Variants in KRTAP5-7 observed in about 807,000 individuals in gnomAD.
The protein encoded by KRTAP5-7 is keratin associated protein 5-7.
A neutral mutation model predicts 2.4 loss-of-function variants in KRTAP5-7; 1 was observed. The observed-to-expected ratio is 0.42, with a 90% CI of 0.15 to 2.01. The LOEUF (loss-of-function observed/expected upper bound fraction) is 2.01. Among genes scored for constraint, KRTAP5-7 ranks in the 30% most tolerant of loss-of-function variants. The probability of loss-of-function intolerance (pLI) is 0.29; values close to 1 mark genes in which losing one functional copy is unlikely to be tolerated. For synonymous variants in KRTAP5-7, 55 were observed against 80.8 expected (o/e 0.68, Z 1.71); for missense variants, 161 against 200.8 (o/e 0.80, Z 1.20).
In KRTAP5-7 at chr11:71,527,479, G is replaced by T; in HGVS notation, c.179G>T (p.Cys60Phe). Residue 60 changes from cysteine (C) to phenylalanine (F), a missense_variant, in exon 1 of 1, where the codon TGT becomes TTT. By Grantham distance (205) the Cys-to-Phe change is radical. Coordinates refer to ENST00000398536, the MANE Select transcript of KRTAP5-7 (RefSeq NM_001012503.2). ...TGTTCCTGCTCCAGCTGTGGCTCCT[G>T]TGGGGGCTCCAAGGGAGGCTGTGGC... ...PACSCSSCGS[C>F]GGSKGGCGSC... 1 of 1,545,978 alleles carries T rather than the reference G, an allele frequency of 6.5e-7. No individual in the cohort carries two copies. The highest frequency in any genetic ancestry group is 8.9e-7 in the Non-Finnish European group (1 of 1,123,506).
In KRTAP5-7 at chr11:71,527,389, G is replaced by T; in HGVS notation, c.89G>T (p.Gly30Val). 6.2e-7 allele frequency: 1 copy of T among 1,611,926 alleles called. No homozygotes were observed. The highest frequency in any genetic ancestry group is 1.3e-5 in the African/African-American group (1 of 74,920). ...GGGGGCTGTGGCTCTGGCTGTGGGG[G>T]ATGTGGCTCCAGCTGCTGTGTGCCC... ...GCGGCGSGCG[G>V]CGSSCCVPVC... Residue 30 changes from glycine to valine, a missense_variant, in exon 1 of 1, where the codon GGA becomes GTA. This residue lies in a region of KRTAP5-7 where 116 missense variants were observed against 113.7 expected (regional missense o/e 1.02). Transcript: ENST00000398536.
At position 71,528,404 on chromosome 11, in the gene KRTAP5-7, C is replaced by A; in HGVS notation, c.*606C>A. 1 of 177,532 alleles carries A rather than the reference C, an allele frequency of 5.6e-6. No homozygotes were observed. Among genetic ancestry groups the A allele is most frequent in the Admixed American group, 5.7e-5 (1 of 17,508 alleles). The allele number at this position is 177,532 out of a possible 1,614,324, so 11.0% of individuals were successfully genotyped here. A position where few individuals can be genotyped will look rare whatever the true frequency, so the allele number is the denominator to read the frequency against. On this transcript the variant is annotated 3_prime_UTR_variant, in exon 1 of 1. Coordinates refer to ENST00000398536, the MANE Select transcript of KRTAP5-7 (RefSeq NM_001012503.2). ...GGCTGTCTCCTCTGCCTCTCATCTCCTTCCTGGCTGACCCCTCTTTTCTCA... is the reference window on the plus strand; with the variant it reads ...GGCTGTCTCCTCTGCCTCTCATCTCATTCCTGGCTGACCCCTCTTTTCTCA...
Position 71,527,550 on chromosome 11 carries a change from A to C in KRTAP5-7, c.250A>C (p.Lys84Gln), listed in dbSNP as rs2120596184. Reference protein sequence around the residue: ...KGGCGSCGGSKGGCGSCGCSQ... With the variant: ...KGGCGSCGGSQGGCGSCGCSQ... ...GGGCTGTGGCTCTTGTGGGGGTTCT[A>C]AGGGGGGCTGTGGTTCTTGTGGCTG... The change falls in exon 1 of 1, where the codon AAG becomes CAG. Residue 84 changes from lysine to glutamine, a missense_variant. Transcript: ENST00000398536. 1 of 1,482,454 alleles carries C rather than the reference A, an allele frequency of 6.7e-7. No homozygotes were observed. Among genetic ancestry groups the C allele is most frequent in the Admixed American group, 1.8e-5 (1 of 55,286 alleles). The allele number at this position is 1,482,454 out of a possible 1,614,324, so 91.8% of individuals were successfully genotyped here.
chr11:71,527,467 G>C lies in KRTAP5-7; in HGVS notation c.167G>C (p.Ser56Thr), dbSNP rs749813581. 6.5e-7 allele frequency: 1 copy of C among 1,545,052 alleles called. No homozygotes were observed. The highest frequency in any genetic ancestry group is 8.9e-7 in the Non-Finnish European group (1 of 1,122,470). ...TGTGTGCCAGCCTGTTCCTGCTCCA[G>C]CTGTGGCTCCTGTGGGGGCTCCAAG... ...CCCVPACSCS[S>T]CGSCGGSKGG... The change falls in exon 1 of 1, where the codon AGC becomes ACC. Residue 56 changes from serine to threonine, a missense_variant. By Grantham distance (58) the Ser-to-Thr change is moderately conservative. This residue lies in a region of KRTAP5-7 where 116 missense variants were observed against 113.7 expected (regional missense o/e 1.02). Transcript: ENST00000398536.
rs1950005247 is a variant in KRTAP5-7, at chr11:71,528,256, T to TC, written c.*458_*459insC. ...ATGCCGACAAACTGAAACACATATC[T>TC]TGCTGATTTCTCTGTTGTTCGGGGT... On this transcript the variant is annotated 3_prime_UTR_variant, in exon 1 of 1. Coordinates refer to ENST00000398536, the MANE Select transcript of KRTAP5-7 (RefSeq NM_001012503.2). 3 of 243,296 alleles carry TC rather than the reference T, an allele frequency of 1.2e-5. No homozygotes were observed. In the South Asian group the frequency reaches 2.2e-4, roughly 18 times the overall value. 15.1% of individuals were successfully genotyped at this position (243,296 alleles called of 1,614,324 possible).
In KRTAP5-7 at chr11:71,528,117, A is replaced by C. The variant is rs1591148595; in HGVS notation, c.*319A>C. The stretch of plus-strand genomic sequence containing the variant: ...TCTTTTCCAGCTGGAGCAGCTGGGC[A>C]TGAGTGTCCCACCTGCAACAAGGTG... On this transcript the variant is annotated 3_prime_UTR_variant, in exon 1 of 1. Coordinates refer to ENST00000398536, the MANE Select transcript of KRTAP5-7 (RefSeq NM_001012503.2). 6.3e-6 allele frequency: 3 copies of C among 474,938 alleles called. No individual in the cohort carries two copies. The highest frequency in any genetic ancestry group is 4.2e-5 in the East Asian group (1 of 24,068). The allele number at this position is 474,938 out of a possible 1,614,324, so 29.4% of individuals were successfully genotyped here. A position where few individuals can be genotyped will look rare whatever the true frequency, so the allele number is the denominator to read the frequency against.
rs1259253786 is a variant in KRTAP5-7 at position 71,527,979 on chromosome 11, C to A, written c.*181C>A. ...CTAATTAATGTCCATTCCCTCCTAA[C>A]AAATTCTCTTCCCAAGTCAACTGCA... On this transcript the variant is annotated 3_prime_UTR_variant, in exon 1 of 1. Transcript: ENST00000398536. 3 of 1,216,162 alleles carry A rather than the reference C, an allele frequency of 2.5e-6. No individual in the cohort carries two copies. Among genetic ancestry groups the A allele is most frequent in the Non-Finnish European group, 3.4e-6 (3 of 873,278 alleles). 75.3% of individuals were successfully genotyped at this position (1,216,162 alleles called of 1,614,324 possible). A position where few individuals can be genotyped will look rare whatever the true frequency, so the allele number is the denominator to read the frequency against.
Position 71,527,490 on chromosome 11 carries a change from A to C in KRTAP5-7, c.190A>C (p.Lys64Gln), listed in dbSNP as rs771832611. Residue 64 changes from lysine to glutamine, a missense_variant, in exon 1 of 1, where the codon AAG (lysine) becomes CAG (glutamine). Transcript: ENST00000398536. ...CAGCTGTGGCTCCTGTGGGGGCTCCAAGGGAGGCTGTGGCTCCTGTGGGGG... is the reference window on the plus strand; with the variant it reads ...CAGCTGTGGCTCCTGTGGGGGCTCCCAGGGAGGCTGTGGCTCCTGTGGGGG... ...CSSCGSCGGSKGGCGSCGGSK... is the reference protein window; with the variant it reads ...CSSCGSCGGSQGGCGSCGGSK... The C allele has an allele frequency of 4.8e-6, 7 of 1,458,610 alleles. No homozygotes were observed. The highest frequency in any genetic ancestry group is 6.5e-6 in the Non-Finnish European group (7 of 1,077,612). 90.4% of individuals were successfully genotyped at this position (1,458,610 alleles called of 1,614,324 possible).
chr11:71,527,724 C>T lies in KRTAP5-7; in HGVS notation c.424C>T (p.Gln142Ter), dbSNP rs1220245361. The T allele has an allele frequency of 8.2e-7, 1 of 1,225,794 alleles. No individual in the cohort carries two copies. The highest frequency in any genetic ancestry group is 1.6e-5 in the South Asian group (1 of 64,464). The allele number at this position is 1,225,794 out of a possible 1,614,324, so 75.9% of individuals were successfully genotyped here. ...CTCAGGCTGTGGGTCATCCTGCTGC[C>T]AGTCCAGTTGCTGCAATCCCTGCTG... ...CSSGCGSSCCQSSCCNPCCSQ... is the reference protein window; with the variant it reads ...CSSGCGSSCC The change falls in exon 1 of 1, where the codon CAG (glutamine) becomes TAG (stop). Residue 142 changes from glutamine to a stop codon, truncating the protein, a stop_gained. Coordinates refer to ENST00000398536, the MANE Select transcript of KRTAP5-7 (RefSeq NM_001012503.2). LOFTEE classifies it high-confidence loss of function.
rs200724442 is a variant in KRTAP5-7 at position 71,527,357 on chromosome 11, C to T, written c.57C>T (p.Ser19=). The T allele has an allele frequency of 1.0e-4, 161 of 1,611,748 alleles. No homozygotes were observed. Among genetic ancestry groups the T allele is most frequent in the Non-Finnish European group, 1.3e-4 (149 of 1,179,266 alleles). ...GCGSGCGGCG[S]GCGGCGSGCG... Reference sequence around the variant, plus strand: ...GCTCCGGCTGTGGGGGCTGTGGCTCCGGCTGTGGGGGCTGTGGCTCTGGCT... The same window carrying T: ...GCTCCGGCTGTGGGGGCTGTGGCTCTGGCTGTGGGGGCTGTGGCTCTGGCT... Residue 19 remains serine, a synonymous_variant, in exon 1 of 1, where the codon TCC becomes TCT. Coordinates refer to ENST00000398536, the MANE Select transcript of KRTAP5-7 (RefSeq NM_001012503.2).
At position 71,527,541 on chromosome 11, in the gene KRTAP5-7, G is replaced by A. The variant is rs755569464; in HGVS notation, c.241G>A (p.Gly81Arg). 8.7e-6 allele frequency: 14 copies of A among 1,611,996 alleles called. No homozygotes were observed. The highest frequency in any genetic ancestry group is 1.2e-5 in the Non-Finnish European group (14 of 1,179,092). The change falls in exon 1 of 1, where the codon GGG becomes AGG. Residue 81 changes from glycine (G) to arginine (R), a missense_variant. By Grantham distance (125) the Gly-to-Arg change is moderately radical. This residue lies in a region of KRTAP5-7 where 116 missense variants were observed against 113.7 expected (regional missense o/e 1.02). Coordinates refer to ENST00000398536, the MANE Select transcript of KRTAP5-7 (RefSeq NM_001012503.2). ...CTCCAAGGGGGGCTGTGGCTCTTGT[G>A]GGGGTTCTAAGGGGGGCTGTGGTTC... ...GGSKGGCGSCGGSKGGCGSCG... is the reference protein window; with the variant it reads ...GGSKGGCGSCRGSKGGCGSCG...
At position 71,528,543 on chromosome 11, in the gene KRTAP5-7, C is replaced by T. The variant is rs572204594; in HGVS notation, c.*745C>T. 12 of 167,874 alleles carry T rather than the reference C, an allele frequency of 7.1e-5. No homozygotes were observed. Among genetic ancestry groups the T allele is most frequent in the African/African-American group, 2.9e-4 (12 of 41,608 alleles). 10.4% of individuals were successfully genotyped at this position (167,874 alleles called of 1,614,324 possible). A position where few individuals can be genotyped will look rare whatever the true frequency, so the allele number is the denominator to read the frequency against. ...TGCTGAAAACTCTGGGGAGTTCAGA[C>T]TTGCCTCCTTTCCCTGGTCCAGGCC... On this transcript the variant is annotated 3_prime_UTR_variant, in exon 1 of 1. Transcript: ENST00000398536.
chr11:71,527,984 T>A lies in KRTAP5-7; in HGVS notation c.*186T>A, dbSNP rs1448392821. On this transcript the variant is annotated 3_prime_UTR_variant, in exon 1 of 1. Transcript: ENST00000398536. ...TAATGTCCATTCCCTCCTAACAAATTCTCTTCCCAAGTCAACTGCAACTGC... is the reference window on the plus strand; with the variant it reads ...TAATGTCCATTCCCTCCTAACAAATACTCTTCCCAAGTCAACTGCAACTGC... The A allele has an allele frequency of 2.2e-5, 26 of 1,188,664 alleles. No individual in the cohort carries two copies. The highest frequency in any genetic ancestry group is 2.8e-5 in the Non-Finnish European group (24 of 850,946). The allele number at this position is 1,188,664 out of a possible 1,614,324, so 73.6% of individuals were successfully genotyped here. A position where few individuals can be genotyped will look rare whatever the true frequency, so the allele number is the denominator to read the frequency against.
rs1949995895 is a variant in KRTAP5-7 at position 71,527,352 on chromosome 11, G to T, written c.52G>T (p.Gly18Cys). Residue 18 changes from glycine to cysteine, a missense_variant, in exon 1 of 1, where the codon GGC becomes TGC. By Grantham distance (159) the Gly-to-Cys change is radical. This residue lies in a region of KRTAP5-7 where 116 missense variants were observed against 113.7 expected (regional missense o/e 1.02). Coordinates refer to ENST00000398536, the MANE Select transcript of KRTAP5-7 (RefSeq NM_001012503.2). The part of the protein sequence containing the change: ...EGCGSGCGGC[G>C]SGCGGCGSGC... Reference sequence around the variant, plus strand: ...CTGTGGCTCCGGCTGTGGGGGCTGTGGCTCCGGCTGTGGGGGCTGTGGCTC... The same window carrying T: ...CTGTGGCTCCGGCTGTGGGGGCTGTTGCTCCGGCTGTGGGGGCTGTGGCTC... The T allele has an allele frequency of 2.5e-6, 4 of 1,612,462 alleles. No homozygotes were observed. Among genetic ancestry groups the T allele is most frequent in the Non-Finnish European group, 3.4e-6 (4 of 1,179,542 alleles).
In KRTAP5-7 at chr11:71,527,353, G is replaced by T; in HGVS notation, c.53G>T (p.Gly18Val). ...TGTGGCTCCGGCTGTGGGGGCTGTG[G>T]CTCCGGCTGTGGGGGCTGTGGCTCT... The part of the protein sequence containing the change: ...EGCGSGCGGC[G>V]SGCGGCGSGC... The change falls in exon 1 of 1, where the codon GGC becomes GTC. Residue 18 changes from glycine (G) to valine (V), a missense_variant. Physicochemically the swap from Gly to Val is moderately radical, Grantham distance 109 (BLOSUM62 -3). This residue lies in a region of KRTAP5-7 where 116 missense variants were observed against 113.7 expected (regional missense o/e 1.02). Coordinates refer to ENST00000398536, the MANE Select transcript of KRTAP5-7 (RefSeq NM_001012503.2). The T allele has an allele frequency of 6.2e-7, 1 of 1,612,482 alleles. No individual in the cohort carries two copies. The highest frequency in any genetic ancestry group is 2.2e-5 in the East Asian group (1 of 44,786).
Position 71,527,527 on chromosome 11 carries a change from G to A in KRTAP5-7, c.227G>A (p.Gly76Asp), listed in dbSNP as rs199500055. Residue 76 changes from glycine to aspartate, a missense_variant, in exon 1 of 1, where the codon GGC becomes GAC. By Grantham distance (94) the Gly-to-Asp change is moderately conservative. Around this residue, in one of 4 missense-constraint regions of KRTAP5-7, gnomAD observed 116 missense variants for 113.7 expected, o/e 1.02. Coordinates refer to ENST00000398536, the MANE Select transcript of KRTAP5-7 (RefSeq NM_001012503.2). ...GGCTCCTGTGGGGGCTCCAAGGGGG[G>A]CTGTGGCTCTTGTGGGGGTTCTAAG... ...GCGSCGGSKGGCGSCGGSKGG... is the reference protein window; with the variant it reads ...GCGSCGGSKGDCGSCGGSKGG... 4.3e-6 allele frequency: 7 copies of A among 1,611,194 alleles called. No individual in the cohort carries two copies. The highest frequency in any genetic ancestry group is 3.3e-5 in the South Asian group (3 of 90,914).
chr11:71,528,002 G>A lies in KRTAP5-7; in HGVS notation c.*204G>A. On this transcript the variant is annotated 3_prime_UTR_variant, in exon 1 of 1. Coordinates refer to ENST00000398536, the MANE Select transcript of KRTAP5-7 (RefSeq NM_001012503.2). ...AACAAATTCTCTTCCCAAGTCAACTGCAACTGCGGCTGAATCACCCCTCAC... is the reference window on the plus strand; with the variant it reads ...AACAAATTCTCTTCCCAAGTCAACTACAACTGCGGCTGAATCACCCCTCAC... The A allele has an allele frequency of 9.6e-7, 1 of 1,037,962 alleles. No homozygotes were observed. Among genetic ancestry groups the A allele is most frequent in the Non-Finnish European group, 1.4e-6 (1 of 720,012 alleles). The allele number at this position is 1,037,962 out of a possible 1,614,324, so 64.3% of individuals were successfully genotyped here.
Position 71,527,608 on chromosome 11 carries a change from G to A in KRTAP5-7, c.308G>A (p.Cys103Tyr). Residue 103 changes from cysteine to tyrosine, a missense_variant, in exon 1 of 1, where the codon TGC becomes TAC. Cys to Tyr is a radical substitution (Grantham distance 194, BLOSUM62 -2). Coordinates refer to ENST00000398536, the MANE Select transcript of KRTAP5-7 (RefSeq NM_001012503.2). ...TGCAGCTGCTATAAGCCCTGCTGCTGCTCCTCAGGCTGTGGGTCATCCTGC... is the reference window on the plus strand; with the variant it reads ...TGCAGCTGCTATAAGCCCTGCTGCTACTCCTCAGGCTGTGGGTCATCCTGC... The part of the protein sequence containing the change: ...SQCSCYKPCC[C>Y]SSGCGSSCCQ... 2 of 1,262,714 alleles carry A rather than the reference G, an allele frequency of 1.6e-6. No homozygotes were observed. The highest frequency in any genetic ancestry group is 2.4e-5 in the Admixed American group (1 of 41,852). The allele number at this position is 1,262,714 out of a possible 1,614,324, so 78.2% of individuals were successfully genotyped here.
Position 71,528,584 on chromosome 11 carries a change from TGGG to T in KRTAP5-7, c.*787_*789del, listed in dbSNP as rs1950006609. The stretch of plus-strand genomic sequence containing the variant: ...GGTCCAGGCCTCTGCCATCTTCCTT[TGGG>T]AAGTTTTTGTAACCAACTTACTCTG... On this transcript the variant is annotated 3_prime_UTR_variant, in exon 1 of 1. Coordinates refer to ENST00000398536, the MANE Select transcript of KRTAP5-7 (RefSeq NM_001012503.2). 2 of 167,332 alleles carry T rather than the reference TGGG, an allele frequency of 1.2e-5. No individual in the cohort carries two copies. The highest frequency in any genetic ancestry group is 2.9e-5 in the Non-Finnish European group (2 of 68,372). The allele number at this position is 167,332 out of a possible 1,614,324, so 10.4% of individuals were successfully genotyped here. A position where few individuals can be genotyped will look rare whatever the true frequency, so the allele number is the denominator to read the frequency against.
Sources: allele counts gnomAD v4.1 joint callset, GRCh38; gene constraint gnomAD v4.1.1; regional missense constraint gnomAD v4.1.1; transcripts MANE v1.5; gene names NCBI Gene and HGNC (gene_info 2026-07-23, HGNC 2026-07-21).